DISP1: variants seen among roughly 807,000 people sequenced by gnomAD.
DISP1 encodes dispatched RND transporter family member 1.
In DISP1, 30 loss-of-function variants were observed where a neutral mutation model predicts 37.3. That is an observed-to-expected ratio of 0.80 (90% CI 0.60 to 1.09). The LOEUF (loss-of-function observed/expected upper bound fraction) is 1.09. Among genes scored for constraint, DISP1 ranks in the 50% least tolerant of loss-of-function variants. The pLI is 0.00. For missense variants in DISP1, 1,598 were observed against 1,879.5 expected, an observed-to-expected ratio of 0.85 and a Z score of 2.77; for synonymous variants, 634 against 690.2, an observed-to-expected ratio of 0.92 and a Z score of 1.28.
At chr1:222,843,109 T>A (rs1303739302) in intron 1 of DISP1, among the ~76,000 whole-genome samples, 4 of 152,054 alleles carry the variant, frequency 2.6e-5, no homozygotes, top group Admixed American at 6.5e-5. Flanking sequence ...TCTCACTTGA[T>A]ATATAATGAG....
At chr1:222,899,324 G>A (rs1671452692) in intron 1 of DISP1, among the ~76,000 whole-genome samples, 1 of 152,192 alleles carries the variant, frequency 6.6e-6, no homozygotes, top group Non-Finnish European at 1.5e-5. Context: ...TTTGTTTTCA[G>A]TATCTGCCTG....
chr1:222,995,102 G>A, intron 8 of DISP1, 120 bp downstream of exon 8: 1 of 790,172 alleles, frequency 1.3e-6, no homozygotes, highest in Non-Finnish European at 2.2e-6. Context: ...TACCTACTGA[G>A]GAGTAAACTC....
chr1:222,838,862 C>T (rs1667414611), intron 1 of DISP1, among the ~76,000 whole-genome samples: 1 of 152,206 alleles, frequency 6.6e-6, no homozygotes, highest in African/African-American at 2.4e-5. Flanking sequence ...AATTTCATCT[C>T]TCTCCAAATA....
intron 1 of DISP1, among the ~76,000 whole-genome samples, chr1:222,845,991 C>T (rs550167020): frequency 6.6e-6 from 1 of 152,286 alleles, no homozygotes; most frequent in South Asian, 2.1e-4. Flanking sequence ...TTTTTGTATG[C>T]TGTCTAAAAC....
chr1:222,840,499 C>T lies in DISP1; in HGVS notation c.-159+25421C>T, dbSNP rs535824270. ...CCCAAGTGATCCACCCACTGAGCCTCCCAAAGTACTAGGATTACAGGCGTG... is the reference window on the plus strand; with the variant it reads ...CCCAAGTGATCCACCCACTGAGCCTTCCAAAGTACTAGGATTACAGGCGTG... On this transcript the variant is annotated intron_variant, in intron 1 of 8. Coordinates refer to ENST00000675850, the MANE Select transcript of DISP1 (RefSeq NM_001377229.1). Among the ~76,000 whole-genome samples, 3 of 151,964 alleles carry T rather than the reference C, an allele frequency of 2.0e-5. No homozygotes were observed. In the South Asian group the frequency reaches 6.2e-4, roughly 32 times the overall value.
chr1:222,985,932 A>G (rs1217800570), intron 4 of DISP1, among the ~76,000 whole-genome samples: 1 of 152,142 alleles, frequency 6.6e-6, no homozygotes, highest in Non-Finnish European at 1.5e-5. Flanking sequence ...AGTTGATGCC[A>G]CTGGAAAAGT....
Position 223,003,799 on chromosome 1 carries a change from C to A in DISP1, c.2402C>A (p.Pro801Gln). ...GTGTCCCCAGAAGACAATGGCAACC[C>A]ACTAAATCCCAAGAGTAAAGGGAAG... ...WGVSPEDNGN[P>Q]LNPKSKGKLT... is the part of the protein sequence containing the mutation. The change falls in exon 9 of 9, where the codon CCA becomes CAA. Residue 801 changes from proline (P) to glutamine (Q), a missense_variant. By Grantham distance (76) the Pro-to-Gln change is moderately conservative. Transcript: ENST00000675850. This position sits in a 1 kb window ranked among gnomAD's most constrained non-coding sequence, Gnocchi z 4.3. 6 of 1,614,182 alleles carry A rather than the reference C, an allele frequency of 3.7e-6. No homozygotes were observed. Among genetic ancestry groups the A allele is most frequent in the Non-Finnish European group, 5.1e-6 (6 of 1,180,032 alleles).
At chr1:222,833,161 G>A (rs1341245317) in intron 1 of DISP1, among the ~76,000 whole-genome samples, 1 of 151,936 alleles carries the variant, frequency 6.6e-6, no homozygotes, top group African/African-American at 2.4e-5. Context: ...TGAGTAGGCA[G>A]AATTATAGCT....
intron 1 of DISP1, among the ~76,000 whole-genome samples, chr1:222,817,358 T>C (rs953746872): frequency 2.0e-4 from 30 of 152,252 alleles, no homozygotes; most frequent in African/African-American, 7.2e-4. Flanking sequence ...ACTGTCTTCA[T>C]ATACACATAC....
intron 1 of DISP1, among the ~76,000 whole-genome samples, chr1:222,894,754 G>A (rs1671150977): frequency 6.6e-6 from 1 of 152,232 alleles, no homozygotes; most frequent in Non-Finnish European, 1.5e-5. Context: ...CTGGCTCCCT[G>A]GAACAGGCAC....
chr1:222,822,385 A>G (rs1217163842), intron 1 of DISP1, among the ~76,000 whole-genome samples: 1 of 152,198 alleles, frequency 6.6e-6, no homozygotes, highest in Non-Finnish European at 1.5e-5. Context: ...GAACCTCTTT[A>G]TATCATTTTG....
chr1:222,903,120 G>A (rs369880390), intron 1 of DISP1, among the ~76,000 whole-genome samples: 46 of 150,230 alleles, frequency 3.1e-4, no homozygotes, highest in Admixed American at 2.4e-3. Flanking sequence ...ACTATGCAGC[G>A]ATAAAAAATG....
At chr1:222,946,035 G>A (rs2125501370) in intron 3 of DISP1, 1 of 152,142 alleles carries the variant, frequency 6.6e-6, no homozygotes, top group East Asian at 1.9e-4. Flanking sequence ...GAAGAAAGTA[G>A]ATTAGTATGA....
chr1:222,979,679 G>A (rs1448694562), intron 3 of DISP1: 1 of 470,758 alleles, frequency 2.1e-6, no homozygotes, highest in Admixed American at 2.3e-5. Flanking sequence ...CGTGTTCACT[G>A]AAAGCCCAGT....
rs771237562 is a variant in DISP1, at chr1:223,005,695, A to T, written c.4298A>T (p.Asn1433Ile). Residue 1433 changes from asparagine to isoleucine, a missense_variant, in exon 9 of 9, where the codon AAC (asparagine) becomes ATC (isoleucine). Transcript: ENST00000675850. ...SNLESSGGTE[N>I]KAGGKVELSL... ...CTGGAGAGCAGTGGAGGGACTGAAA[A>T]CAAGGCAGGAGGGAAAGTGGAGCTG... 1.2e-6 allele frequency: 2 copies of T among 1,614,158 alleles called. No individual in the cohort carries two copies. Among genetic ancestry groups the T allele is most frequent in the Non-Finnish European group, 1.7e-6 (2 of 1,180,034 alleles).
At chr1:222,917,158 C>T (rs1158168433) in intron 1 of DISP1, among the ~76,000 whole-genome samples, 1 of 152,212 alleles carries the variant, frequency 6.6e-6, no homozygotes, top group Non-Finnish European at 1.5e-5. Context: ...CCTTTGCTCA[C>T]TAGAAGCAAG....
At chr1:222,942,247 C>G (rs1344886669) in intron 2 of DISP1, among the ~76,000 whole-genome samples, 1 of 152,118 alleles carries the variant, frequency 6.6e-6, no homozygotes, top group African/African-American at 2.4e-5. Context: ...GCTTTCCTGA[C>G]TGGTTTTAAT....
Position 223,002,707 on chromosome 1 carries a change from T to A in DISP1, c.1310T>A (p.Met437Lys), listed in dbSNP as rs1679554377. 6.2e-7 allele frequency: 1 copy of A among 1,614,038 alleles called. No homozygotes were observed. Among genetic ancestry groups the A allele is most frequent in the Admixed American group, 1.7e-5 (1 of 59,998 alleles). ...CATTACTTGGTGGACAAAGACTTTA[T>A]GACCCCAAAGACGGCTGACTATGCC... ...ILHYLVDKDF[M>K]TPKTADYATP... is the part of the protein sequence containing the mutation. The change falls in exon 9 of 9, where the codon ATG (methionine) becomes AAG (lysine). Residue 437 changes from methionine to lysine, a missense_variant. By Grantham distance (95) the Met-to-Lys change is moderately conservative. Transcript: ENST00000675850.
chr1:222,905,109 T>C (rs1671825983), intron 1 of DISP1, among the ~76,000 whole-genome samples: 1 of 152,172 alleles, frequency 6.6e-6, no homozygotes, highest in Non-Finnish European at 1.5e-5. Context: ...TAAGAACAAG[T>C]TGGAGCATAA....
Sources: gnomAD v4.1 joint callset for allele counts (sites outside exome capture counted in the v4.1 genomes callset) on GRCh38, gnomAD v4.1.1 for gene constraint, Gnocchi (gnomAD v3.1) non-coding constraint, MANE v1.5 for transcripts, NCBI Gene and HGNC (gene_info 2026-07-23, HGNC 2026-07-21) for gene names.